CGGBP1: variants seen among roughly 807,000 people sequenced by gnomAD.
CGGBP1 encodes CGG triplet repeat binding protein 1, also known as CGG triplet repeat-binding protein 1.
Under a neutral mutation model 11.4 loss-of-function variants are expected in CGGBP1, and 4 were observed. The ratio of observed to expected loss-of-function variants is 0.35; its 90% CI spans 0.17 to 0.80. CGGBP1 has a LOEUF of 0.80. Ranked by LOEUF, CGGBP1 falls within the 30% of genes least tolerant of loss-of-function variation. CGGBP1 has a pLI of 0.52. For synonymous variants in CGGBP1, 76 were observed against 74.1 expected (o/e 1.03, Z -0.13); for missense variants, 135 against 202.1 (o/e 0.67, Z 2.01).
chr3:88,091,711 C>T (rs1708639602), intron 2 of CGGBP1, among the ~76,000 whole-genome samples: 1 of 152,094 alleles, frequency 6.6e-6, no homozygotes, highest in Non-Finnish European at 1.5e-5. Context: ...CTGTGCTGTT[C>T]TCATGATAGT....
intron 2 of CGGBP1, chr3:88,138,836 G>T: frequency 8.1e-7 from 1 of 1,232,028 alleles, no homozygotes; most frequent in Non-Finnish European, 1.0e-6. Context: ...ATGATTTGGA[G>T]ATCCTCAGGA....
intron 1 of CGGBP1, among the ~76,000 whole-genome samples, chr3:88,141,287 A>G (rs1322832332): frequency 6.6e-6 from 1 of 152,112 alleles, no homozygotes; most frequent in East Asian, 1.9e-4. Flanking sequence ...TTGCCTATGA[A>G]CTTGTGCAAG....
intron 2 of CGGBP1, chr3:88,138,575 T>C (rs1360553986): frequency 1.2e-5 from 6 of 481,210 alleles, no homozygotes; most frequent in South Asian, 2.3e-4. Context: ...CTACTAAATA[T>C]GGAAAATTGG....
At chr3:88,070,173 CTTAGTCA>C (rs1206334382) in intron 2 of CGGBP1, among the ~76,000 whole-genome samples, 2 of 152,092 alleles carry the variant, frequency 1.3e-5, no homozygotes, top group African/African-American at 2.4e-5. Flanking sequence ...TACCTTTTGA[CTTAGTCA>C]TTTTTCTTAT....
intron 2 of CGGBP1, among the ~76,000 whole-genome samples, chr3:88,098,698 AT>A: frequency 6.6e-6 from 1 of 152,344 alleles, no homozygotes; most frequent in Middle Eastern, 3.4e-3. Context: ...AATAAACGTA[AT>A]CCAGCATATA....
In CGGBP1 at chr3:88,138,764, C is replaced by T. The variant is rs1170999130; in HGVS notation, c.-229+2206G>A. The T allele has an allele frequency of 2.4e-6, 3 of 1,231,882 alleles. No individual in the cohort carries two copies. In the South Asian group the frequency reaches 1.2e-4, roughly 51 times the overall value. The allele number at this position is 1,231,882 out of a possible 1,614,324, so 76.3% of individuals were successfully genotyped here. A position where few individuals can be genotyped will look rare whatever the true frequency, so the allele number is the denominator to read the frequency against. ...TATGTGGTTGTGCTCTACAACTCGA[C>T]CTTCATGATGATCCCAAAACTAAAT... On this transcript the variant is annotated intron_variant, in intron 2 of 3. Transcript: ENST00000462901.
rs747649943 is a variant in CGGBP1 at position 88,051,985 on chromosome 3, C to T, written c.*3488G>A. Reference sequence around the variant, plus strand: ...TCAGGAAATATATTTGTCATTGACTCACAAAACAAAATGTGCTTTCAAAAT... The same window carrying T: ...TCAGGAAATATATTTGTCATTGACTTACAAAACAAAATGTGCTTTCAAAAT... On this transcript the variant is annotated 3_prime_UTR_variant, in exon 4 of 4. Transcript: ENST00000482016. The T allele has an allele frequency of 2.0e-5, 3 of 152,390 alleles. No individual in the cohort carries two copies. Among genetic ancestry groups the T allele is most frequent in the Non-Finnish European group, 4.4e-5 (3 of 68,006 alleles). The allele number at this position is 152,390 out of a possible 1,614,324, so 9.4% of individuals were successfully genotyped here. A position where few individuals can be genotyped will look rare whatever the true frequency, so the allele number is the denominator to read the frequency against.
chr3:88,148,430 A>G (rs1450067890), intron 1 of CGGBP1, among the ~76,000 whole-genome samples: 1 of 152,172 alleles, frequency 6.6e-6, no homozygotes, highest in Non-Finnish European at 1.5e-5. Context: ...CTCTTTACTA[A>G]CAACACTCCC....
chr3:88,126,118 G>A, intron 2 of CGGBP1: 1 of 1,466,752 alleles, frequency 6.8e-7, no homozygotes. Context: ...GAGCCAAAAT[G>A]ATTTTTCTCT....
At chr3:88,141,131 A>G in intron 1 of CGGBP1, 1 of 1,468,574 alleles carries the variant, frequency 6.8e-7, no homozygotes, top group Non-Finnish European at 9.1e-7. Context: ...TTTGAGATTT[A>G]AAAAATTGAT....
intron 2 of CGGBP1, among the ~76,000 whole-genome samples, chr3:88,081,037 C>T (rs1393447597): frequency 1.3e-5 from 2 of 152,160 alleles, no homozygotes; most frequent in Non-Finnish European, 2.9e-5. Context: ...AACAGTTCCT[C>T]AGCCTTTCCT....
chr3:88,073,825 T>G (rs1162791578), intron 2 of CGGBP1, among the ~76,000 whole-genome samples: 2 of 151,288 alleles, frequency 1.3e-5, no homozygotes, highest in Non-Finnish European at 2.9e-5. Context: ...TTGAGTATAT[T>G]TATCCCTATT....
At chr3:88,130,488 G>C (rs1193183205) in intron 2 of CGGBP1, among the ~76,000 whole-genome samples, 8 of 151,980 alleles carry the variant, frequency 5.3e-5, no homozygotes, top group African/African-American at 1.7e-4. Flanking sequence ...GTTTCACTGT[G>C]TCTCTCAGGC....
In CGGBP1 at chr3:88,087,008, T is replaced by C. The variant is rs536852251; in HGVS notation, c.-228-28785A>G. On this transcript the variant is annotated intron_variant, in intron 2 of 3. Coordinates refer to the CGGBP1 transcript ENST00000462901. ...CATGTTAGCCAGGATGGTCTTGATC[T>C]CCTGACCTCGTGATCTGCCTACCTT... is the stretch of plus-strand genomic sequence containing the variant. Among the ~76,000 whole-genome samples, 10 of 152,282 alleles carry C rather than the reference T, an allele frequency of 6.6e-5. No individual in the cohort carries two copies. The East Asian group carries it at 1.9e-3, about 29-fold the overall frequency.
intron 1 of CGGBP1, among the ~76,000 whole-genome samples, chr3:88,146,961 G>C (rs1304903241): frequency 6.6e-6 from 1 of 152,094 alleles, no homozygotes; most frequent in Non-Finnish European, 1.5e-5. Context: ...TCTCCTAACT[G>C]GGTTCCCTGC....
chr3:88,119,424 G>C (rs1408644256), intron 2 of CGGBP1, among the ~76,000 whole-genome samples: 3 of 135,408 alleles, frequency 2.2e-5, no homozygotes, highest in South Asian at 5.0e-4. Context: ...GATAGCATTG[G>C]GAGATATACC....
chr3:88,115,955 A>C (rs1705362871), intron 2 of CGGBP1, among the ~76,000 whole-genome samples: 1 of 152,218 alleles, frequency 6.6e-6, no homozygotes, highest in African/African-American at 2.4e-5. Context: ...CAGATGGGCC[A>C]AACAATACTT....
rs1385585373 is a variant in CGGBP1 at position 88,055,937 on chromosome 3, G to A, written c.40C>T (p.Arg14Cys). ...GTCACATACAAAGCAGTCTTAGAAC[G>A]GTTTCGAGCAGGTGGTGCTGTTACT... ...FVVTAPPARNRSKTALYVTPL... is the reference protein window; with the variant it reads ...FVVTAPPARNCSKTALYVTPL... The change falls in exon 4 of 4, where the codon CGT becomes TGT. Residue 14 changes from arginine (R) to cysteine (C), a missense_variant. Arg to Cys is a radical substitution (Grantham distance 180, BLOSUM62 -3). Coordinates refer to ENST00000482016, the MANE Select transcript of CGGBP1 (RefSeq NM_001008390.2). This position sits in a 1 kb window ranked among gnomAD's most constrained non-coding sequence, Gnocchi z 4.2. 6.2e-7 allele frequency: 1 copy of A among 1,613,452 alleles called. No individual in the cohort carries two copies.
intron 1 of CGGBP1, among the ~76,000 whole-genome samples, chr3:88,147,876 C>G (rs1403547933): frequency 1.3e-5 from 2 of 152,136 alleles, no homozygotes; most frequent in African/African-American, 2.4e-5. Flanking sequence ...GATGGGGATG[C>G]GTTAAGCATC....
Sources: gnomAD v4.1 joint callset for allele counts (sites outside exome capture counted in the v4.1 genomes callset) on GRCh38, gnomAD v4.1.1 for gene constraint, Gnocchi (gnomAD v3.1) non-coding constraint, MANE v1.5 for transcripts, NCBI Gene and HGNC (gene_info 2026-07-23, HGNC 2026-07-21) for gene names.